Variants in PLEKHG7 observed in about 807,000 individuals in gnomAD.
PLEKHG7 encodes the protein pleckstrin homology domain-containing family G member 7.
Under a neutral mutation model 85.2 loss-of-function variants are expected in PLEKHG7, and 77 were observed. The observed-to-expected ratio is 0.90, with a 90% CI of 0.75 to 1.09. The LOEUF is 1.09. Ranked by LOEUF, PLEKHG7 falls within the 50% of genes least tolerant of loss-of-function variation. The probability of loss-of-function intolerance (pLI) is 0.00; values close to 1 mark genes in which losing one functional copy is unlikely to be tolerated. For synonymous variants in PLEKHG7, 301 were observed against 302.4 expected (o/e 1.00, Z 0.05); for missense variants, 777 against 804.3 (o/e 0.97, Z 0.41).
At chr12:92,704,511 C>T (rs1346878181) in intron 1 of PLEKHG7, among the ~76,000 whole-genome samples, 1 of 152,316 alleles carries the variant, frequency 6.6e-6, no homozygotes, top group East Asian at 1.9e-4. Context: ...GTTTCCTAAA[C>T]TGGCATTGCC....
At chr12:92,739,913 G>A (rs544299512) in intron 7 of PLEKHG7, among the ~76,000 whole-genome samples, 4 of 152,118 alleles carry the variant, frequency 2.6e-5, no homozygotes, top group Non-Finnish European at 4.4e-5. Context: ...TTGACAGGTG[G>A]CCTCTAGACC....
chr12:92,717,244 C>G (rs1871516344), intron 3 of PLEKHG7, among the ~76,000 whole-genome samples: 1 of 152,280 alleles, frequency 6.6e-6, no homozygotes, highest in East Asian at 1.9e-4. Flanking sequence ...GCCACTGGGG[C>G]AACACTAACA....
chr12:92,707,600 G>T, intron 2 of PLEKHG7, 50 bp from the exon 3 acceptor site: 1 of 1,597,324 alleles, frequency 6.3e-7, no homozygotes, highest in South Asian at 1.1e-5. Context: ...TTTGGAGTTT[G>T]GGATGGGTTT....
chr12:92,751,376 T>C (rs1009050999), intron 10 of PLEKHG7, among the ~76,000 whole-genome samples: 2 of 152,102 alleles, frequency 1.3e-5, no homozygotes, highest in African/African-American at 2.4e-5. Flanking sequence ...GAGGAGAAGA[T>C]TGAATTGTAG....
chr12:92,704,240 G>A (rs1271379854), intron 1 of PLEKHG7, among the ~76,000 whole-genome samples: 3 of 151,510 alleles, frequency 2.0e-5, no homozygotes, highest in East Asian at 1.9e-4. Flanking sequence ...CAGCCTGGGC[G>A]ACAGAGCCAG....
Position 92,706,863 on chromosome 12 carries a change from G to T in PLEKHG7, c.232G>T (p.Val78Leu). The T allele has an allele frequency of 6.2e-7, 1 of 1,613,926 alleles. No homozygotes were observed. Reference sequence around the variant, plus strand: ...CACCTGGGGAAGCTGGGGAGCTCCTGTGGGCTTCCCATGTTACCTTTCGAA... The same window carrying T: ...CACCTGGGGAAGCTGGGGAGCTCCTTTGGGCTTCCCATGTTACCTTTCGAA... The part of the protein sequence containing the change: ...VTTWGSWGAP[V>L]GFPCYLSKSL... Residue 78 changes from valine (V) to leucine (L), a missense_variant, in exon 2 of 17, where the codon GTG becomes TTG. Coordinates refer to ENST00000344636, the MANE Select transcript of PLEKHG7 (RefSeq NM_001377329.1).
At chr12:92,742,505 G>A (rs1872393898) in intron 9 of PLEKHG7, among the ~76,000 whole-genome samples, 1 of 151,960 alleles carries the variant, frequency 6.6e-6, no homozygotes. Context: ...GTTTTAACAA[G>A]GCAAAAATAA....
chr12:92,738,242 A>T (rs1001445421), intron 7 of PLEKHG7, among the ~76,000 whole-genome samples: 2 of 151,592 alleles, frequency 1.3e-5, no homozygotes, highest in African/African-American at 4.8e-5. Context: ...CAGAACACAG[A>T]ATTTTTTCTA....
chr12:92,725,755 T>C (rs567939945), intron 3 of PLEKHG7, among the ~76,000 whole-genome samples: 131 of 152,294 alleles, frequency 8.6e-4, no homozygotes, highest in African/African-American at 2.8e-3. Flanking sequence ...TGTTCTACTA[T>C]TCATAAGTAA....
intron 7 of PLEKHG7, among the ~76,000 whole-genome samples, 176 bp downstream of exon 7, chr12:92,737,697 G>A (rs1267063615): frequency 8.0e-6 from 1 of 125,760 alleles, no homozygotes; most frequent in African/African-American, 2.8e-5. Context: ...AAAAGAAAAA[G>A]AGAGAAAGAG....
At chr12:92,742,163 C>T (rs1335764656) in intron 9 of PLEKHG7, among the ~76,000 whole-genome samples, 1 of 152,140 alleles carries the variant, frequency 6.6e-6, no homozygotes, top group Non-Finnish European at 1.5e-5. Flanking sequence ...TTTTACACTC[C>T]ACTTTTTAAG....
chr12:92,759,787 T>C (rs1366154189), intron 13 of PLEKHG7, among the ~76,000 whole-genome samples: 1 of 152,228 alleles, frequency 6.6e-6, no homozygotes, highest in African/African-American at 2.4e-5. Context: ...CTGTGGTATT[T>C]TGCTATGGCA....
chr12:92,738,673 G>A (rs1359250713), intron 7 of PLEKHG7, among the ~76,000 whole-genome samples: 1 of 152,162 alleles, frequency 6.6e-6, no homozygotes, highest in African/African-American at 2.4e-5. Context: ...AAGCTCACAG[G>A]CTGCATACTT....
In PLEKHG7 at chr12:92,749,219, A is replaced by G. The variant is rs143794032; in HGVS notation, c.1251+3628A>G. 1.9e-3 allele frequency among the ~76,000 whole-genome samples: 287 copies of G among 152,326 alleles called. 2 individuals are homozygous for G. Among genetic ancestry groups the G allele is most frequent in the African/African-American group, 6.5e-3 (271 of 41,562 alleles). ...GAGGCTAAGCTTTATGAATGTATGT[A>G]CTTTATCCTGGTGTACATTAATGGG... On this transcript the variant is annotated intron_variant, in intron 10 of 16. Transcript: ENST00000344636.
At chr12:92,727,975 TAC>T (rs772861117) in intron 3 of PLEKHG7, among the ~76,000 whole-genome samples, 2 of 143,810 alleles carry the variant, frequency 1.4e-5, no homozygotes, top group African/African-American at 5.1e-5. Flanking sequence ...TATATATATA[TAC>T]ACATATATAC....
At chr12:92,742,597 T>TG (rs1437874013) in intron 9 of PLEKHG7, among the ~76,000 whole-genome samples, 1 of 151,228 alleles carries the variant, frequency 6.6e-6, no homozygotes, top group Non-Finnish European at 1.5e-5. Context: ...TTTAGTTTTT[T>TG]TTTTTTTTTA....
chr12:92,756,025 C>T (rs1872818647), intron 12 of PLEKHG7, 85 bp downstream of exon 12: 1 of 893,022 alleles, frequency 1.1e-6, no homozygotes, highest in Non-Finnish European at 1.8e-6. Flanking sequence ...TAGATGTCCC[C>T]ATCTGTCCAC....
rs377153975 is a variant in PLEKHG7, at chr12:92,736,406, A to G, written c.700-76A>G. 73 of 912,848 alleles carry G rather than the reference A, an allele frequency of 8.0e-5. No individual in the cohort carries two copies. The East Asian group carries it at 2.1e-3, about 26-fold the overall frequency. The allele number at this position is 912,848 out of a possible 1,614,324, so 56.5% of individuals were successfully genotyped here. ...TCATGAATGTTAGGGAATGAACGAA[A>G]GATGCCAAGGCTACCGAAGTCATGT... On this transcript the variant is annotated intron_variant, in intron 5 of 16. Coordinates refer to ENST00000344636, the MANE Select transcript of PLEKHG7 (RefSeq NM_001377329.1).
chr12:92,769,521 G>C (rs926349687), intron 16 of PLEKHG7, among the ~76,000 whole-genome samples: 7 of 152,182 alleles, frequency 4.6e-5, no homozygotes, highest in Non-Finnish European at 1.0e-4. Flanking sequence ...TGTCAAGTCA[G>C]CTTGTCAACC....
Sources: gnomAD v4.1 joint callset for allele counts (sites outside exome capture counted in the v4.1 genomes callset) on GRCh38, gnomAD v4.1.1 for gene constraint, MANE v1.5 for transcripts, NCBI Gene and HGNC (gene_info 2026-07-23, HGNC 2026-07-21) for gene names.